Variants in AHCY observed in about 807,000 individuals in gnomAD.
The protein encoded by AHCY is adenosylhomocysteinase, also known as S-adenosyl-L-homocysteine hydrolase.
A neutral mutation model predicts 45.4 loss-of-function variants in AHCY; 24 were observed. The ratio of observed to expected loss-of-function variants is 0.53; its 90% CI spans 0.38 to 0.74. AHCY has a LOEUF of 0.74. Ranked by LOEUF, AHCY falls within the 30% of genes least tolerant of loss-of-function variation. AHCY has a pLI of 0.00. For missense variants in AHCY, 449 were observed against 594.1 expected (o/e 0.76, Z 2.54); for synonymous variants, 245 against 235.1 (o/e 1.04, Z -0.39).
chr20:34,250,277 A>C, the AHCY span: 1 of 152,278 alleles, frequency 6.6e-6, no homozygotes, highest in African/African-American at 2.4e-5. Flanking sequence ...GTTGTGCCTC[A>C]TGAACACCTA....
the AHCY span, chr20:34,262,697 G>C: frequency 1.1e-6 from 1 of 916,860 alleles, no homozygotes; most frequent in Non-Finnish European, 1.7e-6. Context: ...GAGTCCTACA[G>C]TGTGACTCAT....
chr20:34,233,588 CAATT>C, the AHCY span, among the ~76,000 whole-genome samples: 2 of 152,142 alleles, frequency 1.3e-5, no homozygotes, highest in Non-Finnish European at 2.9e-5. Context: ...AATTACATCT[CAATT>C]AAGCTGTTTT....
chr20:34,234,555 T>C, the AHCY span, among the ~76,000 whole-genome samples: 2 of 152,064 alleles, frequency 1.3e-5, no homozygotes, highest in East Asian at 3.8e-4. Context: ...CCTCACTCTG[T>C]TGCCCAAGTG....
the AHCY span, among the ~76,000 whole-genome samples, chr20:34,270,707 G>T: frequency 6.6e-6 from 1 of 152,350 alleles, no homozygotes; most frequent in Admixed American, 6.5e-5. Context: ...TAGTGGTGAA[G>T]AAGTCCAATA....
At chr20:34,294,616 G>C (rs2122779310) in intron 2 of AHCY, among the ~76,000 whole-genome samples, 2 of 152,240 alleles carry the variant, frequency 1.3e-5, no homozygotes, top group South Asian at 4.1e-4. Flanking sequence ...GAACCCAGAA[G>C]GCTGGAACAG....
the AHCY span, among the ~76,000 whole-genome samples, chr20:34,273,302 C>CT: frequency 6.6e-3 from 996 of 151,774 alleles, 4 homozygotes; most frequent in Middle Eastern, 0.034. Context: ...AACCCTCTAC[C>CT]TTTTTTTTCT....
chr20:34,295,351 C>G (rs1384980958), intron 2 of AHCY, 44 bp downstream of exon 2: 1 of 1,611,552 alleles, frequency 6.2e-7, no homozygotes, highest in Non-Finnish European at 8.5e-7. Context: ...TGGCTGAACC[C>G]AGGGAGGGCA....
chr20:34,287,269 T>C (rs2036218158), intron 8 of AHCY, among the ~76,000 whole-genome samples: 1 of 151,878 alleles, frequency 6.6e-6, no homozygotes, highest in African/African-American at 2.4e-5. Flanking sequence ...GGTACAACAG[T>C]GGGGTCAGAG....
chr20:34,281,434 G>C (rs2122712511), intron 9 of AHCY, among the ~76,000 whole-genome samples: 1 of 152,234 alleles, frequency 6.6e-6, no homozygotes, highest in East Asian at 1.9e-4. Flanking sequence ...TTCAACTCAA[G>C]CAGCTAACCA....
chr20:34,306,677 T>C (rs1188635930), upstream of AHCY, among the ~76,000 whole-genome samples: 1 of 152,154 alleles, frequency 6.6e-6, no homozygotes, highest in African/African-American at 2.4e-5. Flanking sequence ...CCAGGTTCTT[T>C]TAATGGATGA....
upstream of AHCY, among the ~76,000 whole-genome samples, chr20:34,306,035 T>C (rs951704095): frequency 6.9e-6 from 1 of 144,576 alleles, no homozygotes; most frequent in African/African-American, 2.6e-5. Flanking sequence ...TGAGCCAAGA[T>C]TGCGCCACCG....
downstream of AHCY, among the ~76,000 whole-genome samples, chr20:34,277,690 G>C (rs2035920049): frequency 6.9e-6 from 1 of 145,660 alleles, no homozygotes; most frequent in Non-Finnish European, 1.5e-5. Flanking sequence ...GGGAGGCGGA[G>C]CTTGCAGTGA....
intron 1 of AHCY, among the ~76,000 whole-genome samples, chr20:34,309,904 GGAAGGAAGGAAA>G (rs2036931271): frequency 6.7e-6 from 1 of 150,302 alleles, no homozygotes; most frequent in South Asian, 2.1e-4. Flanking sequence ...GAGGGAGGGA[GGAAGGAAGGAAA>G]GAAGGAAGGA....
At chr20:34,298,617 G>T (rs913747834) in intron 1 of AHCY, among the ~76,000 whole-genome samples, 5 of 146,166 alleles carry the variant, frequency 3.4e-5, no homozygotes, top group East Asian at 4.4e-4. Flanking sequence ...GGAGGGGGGG[G>T]GGTGTCTCCC....
At chr20:34,303,000 A>G (rs2036833944) in intron 1 of AHCY, 1 of 985,372 alleles carries the variant, frequency 1.0e-6, no homozygotes, top group African/African-American at 1.7e-5. Flanking sequence ...CGGCTCGCAG[A>G]CCGCGCGGCG....
At chr20:34,295,031 C>G (rs575796349) in intron 2 of AHCY, among the ~76,000 whole-genome samples, 10 of 152,318 alleles carry the variant, frequency 6.6e-5, no homozygotes, top group Admixed American at 2.6e-4. Flanking sequence ...TCAGAGCTGC[C>G]ATCATCCAGC....
intron 9 of AHCY, among the ~76,000 whole-genome samples, chr20:34,282,794 A>C (rs757328617): frequency 7.2e-5 from 11 of 152,158 alleles, no homozygotes; most frequent in Non-Finnish European, 1.2e-4. Context: ...GGACAGAGGC[A>C]AGAGTTAAAT....
upstream of AHCY, among the ~76,000 whole-genome samples, chr20:34,307,998 G>A (rs2036913254): frequency 6.6e-6 from 1 of 151,628 alleles, no homozygotes; most frequent in Non-Finnish European, 1.5e-5. Flanking sequence ...CCCTCTCTCT[G>A]TTGATGTGTT....
the AHCY span, among the ~76,000 whole-genome samples, chr20:34,244,069 C>T: frequency 6.6e-6 from 1 of 151,988 alleles, no homozygotes; most frequent in Admixed American, 6.6e-5. Context: ...CATCTCAAAA[C>T]AAACAAACAA....
Sources: gnomAD v4.1 joint callset for allele counts (sites outside exome capture counted in the v4.1 genomes callset) on GRCh38, gnomAD v4.1.1 for gene constraint, MANE v1.5 for transcripts, NCBI Gene and HGNC (gene_info 2026-07-23, HGNC 2026-07-21) for gene names.